Variants in CTNNA2 observed in about 807,000 individuals in gnomAD.
The protein encoded by CTNNA2 is catenin alpha 2.
A neutral mutation model predicts 101.0 loss-of-function variants in CTNNA2; 42 were observed. That is an observed-to-expected ratio of 0.42 (90% confidence interval 0.32 to 0.54). CTNNA2 has a LOEUF of 0.54. Among genes scored for constraint, CTNNA2 ranks in the 20% least tolerant of loss-of-function variants. CTNNA2 has a pLI of 0.14. For missense variants in CTNNA2, 871 were observed against 1,223.1 expected, an observed-to-expected ratio of 0.71 and a Z score of 4.29; for synonymous variants, 450 against 456.4, an observed-to-expected ratio of 0.99 and a Z score of 0.18.
chr2:79,607,247 CATTAGA>C lies in CTNNA2; in HGVS notation c.-5-44302_-5-44297del, dbSNP rs780439641. Among the ~76,000 whole-genome samples, 220 of 152,162 alleles carry C rather than the reference CATTAGA, an allele frequency of 1.4e-3. 2 individuals carry two copies. Among genetic ancestry groups the C allele is most frequent in the Non-Finnish European group, 2.3e-3 (159 of 67,974 alleles). ...TTTACATATGCACCTCATAAAAAAG[CATTAGA>C]ATATGTGGCACATAAACTGATGGAA... is the stretch of plus-strand genomic sequence containing the variant. On this transcript the variant is annotated intron_variant, in intron 1 of 18. Transcript: ENST00000402739.
At chr2:80,495,401 C>G (rs555593082) in intron 9 of CTNNA2, among the ~76,000 whole-genome samples, 4 of 152,158 alleles carry the variant, frequency 2.6e-5, no homozygotes, top group Non-Finnish European at 5.9e-5. Flanking sequence ...AAAGCGCTTT[C>G]GACTTGGAAA....
chr2:79,997,646 C>A (rs1439091102), intron 7 of CTNNA2, among the ~76,000 whole-genome samples: 1 of 152,160 alleles, frequency 6.6e-6, no homozygotes, highest in Admixed American at 6.6e-5. Context: ...ACTCTTTCAT[C>A]CTCACTAAAA....
intron 7 of CTNNA2, among the ~76,000 whole-genome samples, chr2:80,331,673 A>G (rs1183376739): frequency 6.6e-6 from 1 of 152,180 alleles, no homozygotes; most frequent in Admixed American, 6.5e-5. Flanking sequence ...AATGATGACC[A>G]ACTACTTTTC....
intron 2 of CTNNA2, among the ~76,000 whole-genome samples, chr2:79,221,626 A>C (rs567919726): frequency 6.6e-6 from 1 of 152,120 alleles, no homozygotes; most frequent in East Asian, 1.9e-4. Context: ...TAAAAAACTG[A>C]CAAGTCTGTA....
intron 7 of CTNNA2, among the ~76,000 whole-genome samples, chr2:80,205,840 G>GA (rs1316203641): frequency 6.6e-6 from 1 of 152,012 alleles, no homozygotes; most frequent in African/African-American, 2.4e-5. Context: ...TGTAATCCAA[G>GA]AAAAAAGAGA....
At chr2:80,146,905 A>ACCACGC (rs1163350867) in intron 7 of CTNNA2, among the ~76,000 whole-genome samples, 1 of 148,818 alleles carries the variant, frequency 6.7e-6, no homozygotes, top group Non-Finnish European at 1.5e-5. Context: ...GGTTTCCACC[A>ACCACGC]CCACGCCCTG....
rs554839506 is a variant in CTNNA2 at position 79,382,874 on chromosome 2, A to G, written c.-135+8861A>G. ...CGTGATCCACCCGCCTTGGCCTCCC[A>G]AAGTGCTGGGATTACAGGCGTGAGC... On this transcript the variant is annotated intron_variant, in intron 4 of 21. Coordinates refer to the CTNNA2 transcript ENST00000466387. Among the ~76,000 whole-genome samples the G allele has an allele frequency of 2.0e-5, 3 of 152,294 alleles. No homozygotes were observed. The East Asian group carries it at 5.8e-4, about 30-fold the overall frequency.
At chr2:79,243,029 C>CACACACACACACACAT (rs1369431500) in intron 2 of CTNNA2, among the ~76,000 whole-genome samples, 11 of 149,648 alleles carry the variant, frequency 7.4e-5, no homozygotes, top group African/African-American at 2.7e-4. Context: ...CACACACACA[C>CACACACACACACACAT]GTTAATATTC....
At chr2:80,125,347 T>C (rs1343921259) in intron 7 of CTNNA2, among the ~76,000 whole-genome samples, 1 of 152,100 alleles carries the variant, frequency 6.6e-6, no homozygotes, top group Non-Finnish European at 1.5e-5. Context: ...GCAACACTGA[T>C]GGTGTCCTCA....
intron 4 of CTNNA2, among the ~76,000 whole-genome samples, chr2:79,471,270 T>C (rs1028669056): frequency 2.0e-5 from 3 of 152,204 alleles, no homozygotes; most frequent in African/African-American, 7.2e-5. Flanking sequence ...TCAGTCAGTT[T>C]GAGATGCTAT....
intron 7 of CTNNA2, among the ~76,000 whole-genome samples, chr2:80,082,371 G>A (rs1699204359): frequency 6.6e-6 from 1 of 152,086 alleles, no homozygotes; most frequent in Non-Finnish European, 1.5e-5. Flanking sequence ...ATAACTTATG[G>A]TATGTACCTC....
At chr2:79,415,969 A>G (rs1344508489) in intron 4 of CTNNA2, among the ~76,000 whole-genome samples, 2 of 144,702 alleles carry the variant, frequency 1.4e-5, no homozygotes, top group East Asian at 4.1e-4. Context: ...CCTCAATTCT[A>G]TTTTATTTTA....
chr2:80,324,477 A>T (rs968094614), intron 7 of CTNNA2, among the ~76,000 whole-genome samples: 1 of 152,166 alleles, frequency 6.6e-6, no homozygotes, highest in African/African-American at 2.4e-5. Flanking sequence ...TAACTTAAAG[A>T]TTTCATGTAC....
At chr2:80,539,913 G>T (rs1291002040) in intron 9 of CTNNA2, among the ~76,000 whole-genome samples, 1 of 152,264 alleles carries the variant, frequency 6.6e-6, no homozygotes, top group Admixed American at 6.5e-5. Context: ...ATTAAATCTT[G>T]TGGCTTCAGT....
At chr2:79,858,233 G>C (rs960247545) in intron 4 of CTNNA2, 54 bp downstream of exon 4, 1 of 1,422,490 alleles carries the variant, frequency 7.0e-7, no homozygotes, top group African/African-American at 1.4e-5. Context: ...AATCTTGACC[G>C]TGTGTATTAC....
rs140845626 is a variant in CTNNA2 at position 79,263,812 on chromosome 2, C to T, written c.-405-48897C>T. Among the ~76,000 whole-genome samples the T allele has an allele frequency of 9.5e-3, 1,440 of 152,250 alleles. 18 individuals are homozygous for T. The highest frequency in any genetic ancestry group is 0.016 in the Non-Finnish European group (1,080 of 68,012). On this transcript the variant is annotated intron_variant, in intron 2 of 21. Transcript: ENST00000466387. ...AAGGGTCTCCCCAGATGCAGCCCCTCGATCTTGAACTTTCCAGCCTCCAGA... is the reference window on the plus strand; with the variant it reads ...AAGGGTCTCCCCAGATGCAGCCCCTTGATCTTGAACTTTCCAGCCTCCAGA...
chr2:79,238,559 G>A (rs77276302), intron 2 of CTNNA2, among the ~76,000 whole-genome samples: 1 of 152,278 alleles, frequency 6.6e-6, no homozygotes, highest in East Asian at 1.9e-4. Context: ...TAAAAAAAGT[G>A]AAGTACAATA....
intron 4 of CTNNA2, among the ~76,000 whole-genome samples, chr2:79,462,845 C>T (rs1158948216): frequency 6.6e-6 from 1 of 152,052 alleles, no homozygotes; most frequent in East Asian, 1.9e-4. Flanking sequence ...GTACATGCTG[C>T]CCTGTGTTGT....
At chr2:79,402,734 G>A (rs1427915601) in intron 4 of CTNNA2, among the ~76,000 whole-genome samples, 3 of 151,642 alleles carry the variant, frequency 2.0e-5, no homozygotes, top group African/African-American at 7.3e-5. Context: ...CCATATATAG[G>A]CCATAGAACA....
Sources: gnomAD v4.1 joint callset for allele counts (sites outside exome capture counted in the v4.1 genomes callset) on GRCh38, gnomAD v4.1.1 for gene constraint, MANE v1.5 for transcripts, NCBI Gene and HGNC (gene_info 2026-07-23, HGNC 2026-07-21) for gene names.